Variants in CEP55 observed in about 807,000 individuals in gnomAD.
The protein encoded by CEP55 is centrosomal protein of 55 kDa.
In CEP55, 57 loss-of-function variants were observed where a neutral mutation model predicts 63.2. The observed-to-expected ratio is 0.90, with a 90% CI of 0.73 to 1.13. CEP55 has a LOEUF of 1.13. CEP55 is among the 50% of genes most tolerant of loss of function. CEP55 has a pLI of 0.00. For synonymous variants in CEP55, 178 were observed against 191.6 expected (o/e 0.93, Z 0.59); for missense variants, 456 against 518.9 (o/e 0.88, Z 1.18).
At position 93,517,168 on chromosome 10, in the gene CEP55, C is replaced by T. The variant is rs954478890; in HGVS notation, c.913C>T (p.Gln305Ter). The change falls in exon 6 of 9, where the codon CAA (glutamine) becomes TAA (stop). Residue 305 changes from glutamine (Q) to a stop codon, truncating the protein, a stop_gained. Coordinates refer to ENST00000371485, the MANE Select transcript of CEP55 (RefSeq NM_018131.5). LOFTEE classifies it high-confidence loss of function. Reference protein sequence around the residue: ...EDDRHKTEKIQKLREENDIAR... With the variant: ...EDDRHKTEKI ...TGATAGGCATAAAACAGAGAAGATA[C>T]AAAAACTCAGGGAAGAGAATGATAT... 11 of 1,613,508 alleles carry T rather than the reference C, an allele frequency of 6.8e-6. No homozygotes were observed. Among genetic ancestry groups the T allele is most frequent in the Non-Finnish European group, 7.6e-6 (9 of 1,179,746 alleles).
At chr10:93,513,981 A>G (rs1166804498) in intron 4 of CEP55, among the ~76,000 whole-genome samples, 1 of 141,208 alleles carries the variant, frequency 7.1e-6, no homozygotes, top group Non-Finnish European at 1.5e-5. Flanking sequence ...GTCTCACTCT[A>G]TTGTCTAGGT....
chr10:93,508,793 C>CT (rs2057713433), intron 4 of CEP55, among the ~76,000 whole-genome samples: 1 of 152,156 alleles, frequency 6.6e-6, no homozygotes, highest in South Asian at 2.1e-4. Flanking sequence ...AGAATGGGGG[C>CT]TGCCTGACCA....
chr10:93,524,304 T>G (rs920398429), intron 8 of CEP55, among the ~76,000 whole-genome samples: 1 of 152,040 alleles, frequency 6.6e-6, no homozygotes, highest in African/African-American at 2.4e-5. Context: ...GAGAATACTA[T>G]AAACACCTCT....
intron 3 of CEP55, among the ~76,000 whole-genome samples, chr10:93,504,366 G>A (rs569203523): frequency 6.6e-6 from 1 of 152,046 alleles, no homozygotes; most frequent in Non-Finnish European, 1.5e-5. Flanking sequence ...CCAGCTATTC[G>A]GGAGGCTGAG....
intron 4 of CEP55, among the ~76,000 whole-genome samples, chr10:93,512,794 G>A (rs1191376405): frequency 6.6e-6 from 1 of 152,080 alleles, no homozygotes; most frequent in Non-Finnish European, 1.5e-5. Context: ...ACCTCACTGG[G>A]GATGGCAGTG....
At chr10:93,506,251 CTAT>C (rs1234921388) in intron 3 of CEP55, among the ~76,000 whole-genome samples, 1 of 152,166 alleles carries the variant, frequency 6.6e-6, no homozygotes, top group Non-Finnish European at 1.5e-5. Flanking sequence ...CTAATTAATA[CTAT>C]TATTAATACA....
At chr10:93,520,861 T>A (rs1005475221) in intron 8 of CEP55, among the ~76,000 whole-genome samples, 7 of 152,214 alleles carry the variant, frequency 4.6e-5, no homozygotes, top group African/African-American at 1.7e-4. Context: ...CTTAAGTATA[T>A]AATTGATTTT....
intron 1 of CEP55, among the ~76,000 whole-genome samples, chr10:93,498,156 AAGAAAC>A (rs1192452217): frequency 2.0e-5 from 3 of 150,008 alleles, no homozygotes; most frequent in Admixed American, 6.6e-5. Flanking sequence ...AAAAAAAAGA[AAGAAAC>A]AGAAACAGAA....
In CEP55 at chr10:93,517,118, G is replaced by A. The variant is rs1347787265; in HGVS notation, c.863G>A (p.Arg288Lys). ...NLNQLLYSQR[R>K]ADVQHLEDDR... The stretch of plus-strand genomic sequence containing the variant: ...AATCAGCTGTTGTATTCACAAAGAA[G>A]GGCAGATGTGCAACATCTGGAAGAT... Residue 288 changes from arginine (R) to lysine (K), a missense_variant, in exon 6 of 9, where the codon AGG (arginine) becomes AAG (lysine). Transcript: ENST00000371485. 1.9e-6 allele frequency: 3 copies of A among 1,613,932 alleles called. No homozygotes were observed. The highest frequency in any genetic ancestry group is 2.5e-6 in the Non-Finnish European group (3 of 1,179,890).
intron 1 of CEP55, among the ~76,000 whole-genome samples, chr10:93,497,188 T>C (rs961387116): frequency 1.3e-5 from 2 of 152,252 alleles, no homozygotes; most frequent in East Asian, 3.9e-4. Context: ...TTGTACCATT[T>C]ACTGGATGGA....
chr10:93,497,724 G>T, intron 1 of CEP55, among the ~76,000 whole-genome samples: 1 of 151,952 alleles, frequency 6.6e-6, no homozygotes. Context: ...TGTAGGGGTG[G>T]GGGTGGGGCA....
intron 4 of CEP55, among the ~76,000 whole-genome samples, chr10:93,512,514 CAAAAAAAAA>C (rs10707952): frequency 1.1e-5 from 1 of 91,934 alleles, no homozygotes; most frequent in South Asian, 3.9e-4. Context: ...AACTCCGTCT[CAAAAAAAAA>C]AAAAAAAAAA....
intron 8 of CEP55, among the ~76,000 whole-genome samples, chr10:93,522,609 A>G (rs1414509123): frequency 6.6e-6 from 1 of 152,218 alleles, no homozygotes; most frequent in Non-Finnish European, 1.5e-5. Flanking sequence ...ACTCCTCGAG[A>G]AGAGCAACTC....
intron 4 of CEP55, among the ~76,000 whole-genome samples, chr10:93,508,275 T>G (rs2057708905): frequency 6.6e-6 from 1 of 152,222 alleles, no homozygotes; most frequent in South Asian, 2.1e-4. Context: ...AGTTTCTGAC[T>G]TAAGTATTAG....
intron 1 of CEP55, among the ~76,000 whole-genome samples, chr10:93,498,358 T>C (rs565058702): frequency 6.6e-6 from 1 of 152,152 alleles, no homozygotes; most frequent in East Asian, 1.9e-4. Context: ...ATTTTGTGTC[T>C]CAATGACTTG....
At chr10:93,509,789 A>G (rs1415847377) in intron 4 of CEP55, among the ~76,000 whole-genome samples, 1 of 152,166 alleles carries the variant, frequency 6.6e-6, no homozygotes, top group Non-Finnish European at 1.5e-5. Flanking sequence ...CCCAGCCAGA[A>G]CTTATATTTG....
chr10:93,519,936 G>A (rs1488478096), intron 8 of CEP55, 129 bp downstream of exon 8: 13 of 1,000,706 alleles, frequency 1.3e-5, no homozygotes, highest in Middle Eastern at 3.0e-4. Flanking sequence ...TAGAGCCTCT[G>A]CCTCATTTGA....
chr10:93,505,132 A>C (rs1402541269), intron 3 of CEP55, among the ~76,000 whole-genome samples: 2 of 152,214 alleles, frequency 1.3e-5, no homozygotes. Flanking sequence ...ATTTTTAAAA[A>C]TGTATTCTTA....
Position 93,503,105 on chromosome 10 carries a change from A to G in CEP55, c.184-8A>G, listed in dbSNP as rs1316582735. 2.5e-6 allele frequency: 4 copies of G among 1,608,664 alleles called. No individual in the cohort carries two copies. The highest frequency in any genetic ancestry group is 3.4e-6 in the Non-Finnish European group (4 of 1,177,642). On this transcript the variant is annotated splice_polypyrimidine_tract_variant and splice_region_variant and intron_variant, in intron 2 of 8. Transcript: ENST00000371485. ...TTTGTTCTAAGATTCTTCTTAGTTT[A>G]TGTCTAGAAAATTCGAGTCCTTGAG...
Sources: allele counts gnomAD v4.1 joint callset (sites outside exome capture counted in the v4.1 genomes callset), GRCh38; gene constraint gnomAD v4.1.1; transcripts MANE v1.5; gene names NCBI Gene and HGNC (gene_info 2026-07-23, HGNC 2026-07-21).